RARS1: variants seen among roughly 807,000 people sequenced by gnomAD.
The protein encoded by RARS1 is arginyl-tRNA synthetase 1.
RARS1 carries 75 observed loss-of-function variants against 78.7 expected under a neutral mutation model. The ratio of observed to expected loss-of-function variants is 0.95; its 90% CI spans 0.79 to 1.15. The LOEUF (loss-of-function observed/expected upper bound fraction) is 1.15, where lower values mean the gene tolerates loss of function less well. Ranked by LOEUF, RARS1 falls within the 50% of genes most tolerant of loss-of-function variation. The probability of loss-of-function intolerance (pLI) is 0.00; values close to 1 mark genes in which losing one functional copy is unlikely to be tolerated. For synonymous variants in RARS1, 273 were observed against 268.2 expected, an observed-to-expected ratio of 1.02 and a Z score of -0.18; for missense variants, 787 against 787.5, an observed-to-expected ratio of 1.00 and a Z score of 0.01.
At chr5:168,490,790 G>A (rs1028736798) in intron 2 of RARS1, among the ~76,000 whole-genome samples, 1 of 152,130 alleles carries the variant, frequency 6.6e-6, no homozygotes, top group African/African-American at 2.4e-5. Flanking sequence ...GATTTCGTGT[G>A]TGTAGGTACA....
At position 168,493,803 on chromosome 5, in the gene RARS1, G is replaced by C. The variant is rs778499423; in HGVS notation, c.370-91G>C. On this transcript the variant is annotated intron_variant, in intron 3 of 14. Coordinates refer to ENST00000231572, the MANE Select transcript of RARS1 (RefSeq NM_002887.4). ...CTTCTGCCTTTTGATGGTTCTTAAC[G>C]TAAAATGCATCTCGTGCCTTGTCAG... 5.0e-5 allele frequency: 48 copies of C among 955,018 alleles called. 2 individuals carry two copies. The South Asian group carries it at 7.3e-4, about 14-fold the overall frequency. The allele number at this position is 955,018 out of a possible 1,614,324, so 59.2% of individuals were successfully genotyped here. A position where few individuals can be genotyped will look rare whatever the true frequency, so the allele number is the denominator to read the frequency against.
intron 9 of RARS1, among the ~76,000 whole-genome samples, chr5:168,503,870 A>T (rs977333473): frequency 7.2e-5 from 11 of 152,082 alleles, no homozygotes; most frequent in African/African-American, 2.7e-4. Context: ...CAGGAGTTTG[A>T]GGTCAGTCTG....
intron 7 of RARS1, 101 bp downstream of exon 7, chr5:168,497,449 G>A: frequency 2.8e-6 from 3 of 1,053,334 alleles, no homozygotes; most frequent in Non-Finnish European, 3.9e-6. Context: ...CTACTATGGA[G>A]TTAAGTGAAA....
At chr5:168,506,431 C>T (rs1217003897) in intron 10 of RARS1, among the ~76,000 whole-genome samples, 1 of 152,152 alleles carries the variant, frequency 6.6e-6, no homozygotes, top group Non-Finnish European at 1.5e-5. Flanking sequence ...AGCAATTGTT[C>T]CTATCAGTAG....
At chr5:168,487,526 T>C (rs1315887045) in intron 1 of RARS1, among the ~76,000 whole-genome samples, 1 of 152,232 alleles carries the variant, frequency 6.6e-6, no homozygotes, top group African/African-American at 2.4e-5. Context: ...TGGCAAGCTC[T>C]TTACATTTCT....
intron 3 of RARS1, chr5:168,493,063 T>A (rs1758118890): frequency 2.2e-6 from 1 of 458,982 alleles, no homozygotes; most frequent in Non-Finnish European, 3.9e-6. Context: ...GTATTCTCAA[T>A]ATTTAAGGGC....
intron 1 of RARS1, among the ~76,000 whole-genome samples, chr5:168,486,917 G>A (rs1239250661): frequency 6.6e-6 from 1 of 152,170 alleles, no homozygotes. Context: ...TACATTCAGA[G>A]CTCTGGGTCT....
At chr5:168,491,192 T>G (rs1366761648) in intron 2 of RARS1, among the ~76,000 whole-genome samples, 1 of 152,132 alleles carries the variant, frequency 6.6e-6, no homozygotes, top group Non-Finnish European at 1.5e-5. Flanking sequence ...TAGCAGGTTT[T>G]GGGTATAAGA....
chr5:168,518,094 T>TTTTTC, intron 14 of RARS1, 32 bp downstream of exon 14: 1 of 1,397,516 alleles, frequency 7.2e-7, no homozygotes, highest in Admixed American at 2.8e-5. Flanking sequence ...TTTTTTTTTT[T>TTTTTC]TAGTGAGAGA....
chr5:168,500,143 TGCCACTCCA>T (rs140689743), intron 7 of RARS1, among the ~76,000 whole-genome samples: 27,370 of 136,024 alleles, frequency 0.2, 2,874 homozygotes, highest in Admixed American at 0.34. Context: ...GCCGAAATCA[TGCCACTCCA>T]GCCACTCCAG....
chr5:168,506,684 A>C (rs766544026), intron 10 of RARS1, 38 bp from the exon 11 acceptor site: 1 of 1,442,400 alleles, frequency 6.9e-7, no homozygotes, highest in Admixed American at 2.0e-5. Flanking sequence ...TTTTTTCTTT[A>C]AAGAAGACTA....
At position 168,494,628 on chromosome 5, in the gene RARS1, C is replaced by T; in HGVS notation, c.557C>T (p.Pro186Leu). The change falls in exon 5 of 15, where the codon CCT becomes CTT. Residue 186 changes from proline (P) to leucine (L), a missense_variant. Physicochemically the swap from Pro to Leu is moderately conservative, Grantham distance 98 (BLOSUM62 -3). Coordinates refer to ENST00000231572, the MANE Select transcript of RARS1 (RefSeq NM_002887.4). ...CTTCTAGTGAATGGAGTTCAACTAC[C>T]TGCTCTGGGAGAGAATAAAAAGGTA... ...TSLLVNGVQL[P>L]ALGENKKVIV... The T allele has an allele frequency of 6.2e-7, 1 of 1,600,204 alleles. No individual in the cohort carries two copies. The highest frequency in any genetic ancestry group is 8.6e-7 in the Non-Finnish European group (1 of 1,167,540).
Position 168,512,697 on chromosome 5 carries a change from G to A in RARS1, c.1452+2011G>A, listed in dbSNP as rs113862186. ...CCAGCACGGGAGAAAGATGTAGGCC[G>A]AGAAGCTAGGCCAGTCTCTTCTCTT... On this transcript the variant is annotated intron_variant, in intron 12 of 14. Transcript: ENST00000231572. Among the ~76,000 whole-genome samples the A allele has an allele frequency of 2.1e-4, 32 of 152,266 alleles. 1 individual carries two copies. The highest frequency in any genetic ancestry group is 7.0e-4 in the African/African-American group (29 of 41,550).
chr5:168,499,005 ATTAAAAATGTTTT>A (rs903323155), intron 7 of RARS1, among the ~76,000 whole-genome samples: 1 of 152,110 alleles, frequency 6.6e-6, no homozygotes, highest in African/African-American at 2.4e-5. Flanking sequence ...AAAATTAAAA[ATTAAAAATGTTTT>A]TTAAAAATTT....
chr5:168,501,191 A>G (rs758140044), intron 8 of RARS1, among the ~76,000 whole-genome samples: 1 of 152,198 alleles, frequency 6.6e-6, no homozygotes, highest in Non-Finnish European at 1.5e-5. Flanking sequence ...TGAAGAGTAA[A>G]TGGGTAAAGA....
rs747777615 is a variant in RARS1 at position 168,518,071 on chromosome 5, CTTTTTTTT to C, written c.1873+26_1873+33del. The C allele has an allele frequency of 4.7e-4, 354 of 748,002 alleles. 1 individual carries two copies. The highest frequency in any genetic ancestry group is 1.4e-3 in the Middle Eastern group (2 of 1,428). 46.3% of individuals were successfully genotyped at this position (748,002 alleles called of 1,614,324 possible). ...GAAAGATAGACAGACTGGTGAGTGTCTTTTTTTTTTTTTTTTTTTTTTTTAGTGAGAGA... is the reference window on the plus strand; with the variant it reads ...GAAAGATAGACAGACTGGTGAGTGTCTTTTTTTTTTTTTTTTAGTGAGAGA... On this transcript the variant is annotated intron_variant, in intron 14 of 14. Coordinates refer to ENST00000231572, the MANE Select transcript of RARS1 (RefSeq NM_002887.4).
chr5:168,488,309 G>A (rs1017024783), intron 1 of RARS1: 1 of 346,108 alleles, frequency 2.9e-6, no homozygotes, highest in African/African-American at 2.2e-5. Context: ...TGTATTTTTA[G>A]TAGAGACAGC....
At chr5:168,495,125 A>G (rs980577207) in intron 5 of RARS1, 190 bp from the exon 6 acceptor site, 1 of 952,450 alleles carries the variant, frequency 1.0e-6, no homozygotes, top group African/African-American at 1.7e-5. Context: ...TTAAAAATAT[A>G]CAAGCAGATC....
At position 168,502,028 on chromosome 5, in the gene RARS1, A is replaced by T; in HGVS notation, c.980A>T (p.Asp327Val). Residue 327 changes from aspartate to valine, a missense_variant, in exon 9 of 15, where the codon GAC becomes GTC. By Grantham distance (152) the Asp-to-Val change is radical. Transcript: ENST00000231572. Reference protein sequence around the residue: ...QELNKIYDALDVSLIERGESF... With the variant: ...QELNKIYDALVVSLIERGESF... ...TTAAATAAAATCTATGATGCATTGG[A>T]CGTCTCTTTAATAGAGAGAGGGGAA... 6.3e-7 allele frequency: 1 copy of T among 1,597,312 alleles called. No individual in the cohort carries two copies. The highest frequency in any genetic ancestry group is 8.5e-7 in the Non-Finnish European group (1 of 1,173,142).
Sources: gnomAD v4.1 joint callset for allele counts (sites outside exome capture counted in the v4.1 genomes callset) on GRCh38, gnomAD v4.1.1 for gene constraint, MANE v1.5 for transcripts, NCBI Gene and HGNC (gene_info 2026-07-23, HGNC 2026-07-21) for gene names.